PTPRD: variants seen among roughly 807,000 people sequenced by gnomAD.
PTPRD encodes receptor-type tyrosine-protein phosphatase delta.
Under a neutral mutation model 214.5 loss-of-function variants are expected in PTPRD, and 34 were observed. The ratio of observed to expected loss-of-function variants is 0.16; its 90% CI spans 0.12 to 0.21. The LOEUF is 0.21. Ranked by LOEUF, PTPRD falls within the 10% of genes least tolerant of loss-of-function variation. PTPRD has a pLI of 1.00. For missense variants in PTPRD, 2,545 were observed against 2,398.7 expected (o/e 1.06, Z -1.27); for synonymous variants, 1,128 against 845.7 (o/e 1.33, Z -5.79).
chr9:9,148,420 T>C (rs752465116), intron 10 of PTPRD, among the ~76,000 whole-genome samples: 1 of 152,160 alleles, frequency 6.6e-6, no homozygotes, highest in Admixed American at 6.5e-5. Flanking sequence ...GGAAATAAAA[T>C]TGACTTCAGC....
chr9:8,621,700 G>T (rs551544813), intron 14 of PTPRD, among the ~76,000 whole-genome samples: 1 of 151,652 alleles, frequency 6.6e-6, no homozygotes, highest in African/African-American at 2.4e-5. Context: ...TAAGATTAAT[G>T]GGACCCATAG....
intron 15 of PTPRD, 78 bp downstream of exon 15, chr9:8,528,507 TAAATTA>T: frequency 8.2e-7 from 1 of 1,213,804 alleles, no homozygotes; most frequent in South Asian, 1.4e-5. Context: ...AAATAAAAAA[TAAATTA>T]AAATTAAAAA....
chr9:8,439,750 G>A (rs976855047), intron 34 of PTPRD, among the ~76,000 whole-genome samples: 6 of 151,604 alleles, frequency 4.0e-5, no homozygotes, highest in African/African-American at 1.2e-4. Flanking sequence ...GAAAAAAAAT[G>A]TTATATGATA....
At chr9:8,675,094 T>G (rs2097373195) in intron 12 of PTPRD, among the ~76,000 whole-genome samples, 1 of 152,156 alleles carries the variant, frequency 6.6e-6, no homozygotes, top group Non-Finnish European at 1.5e-5. Context: ...GCAGATAGCA[T>G]TAAGTGGATG....
chr9:9,464,272 T>C (rs1316116933), intron 8 of PTPRD, among the ~76,000 whole-genome samples: 1 of 152,156 alleles, frequency 6.6e-6, no homozygotes, highest in African/African-American at 2.4e-5. Context: ...AGGTAATCTT[T>C]CAACCTTTTC....
At position 10,167,111 on chromosome 9, in the gene PTPRD, A is replaced by G. The variant is rs1396294837; in HGVS notation, c.-544-133321T>C. Among the ~76,000 whole-genome samples, 4 of 145,010 alleles carry G rather than the reference A, an allele frequency of 2.8e-5. No individual in the cohort carries two copies. The South Asian group carries it at 9.1e-4, about 33-fold the overall frequency. On this transcript the variant is annotated intron_variant, in intron 3 of 45. Transcript: ENST00000381196. ...TGAGTTTACAGGTGCTTAGACTTAT[A>G]AAAGTAGACCTTTTTTTTTTTTCAT...
intron 7 of PTPRD, among the ~76,000 whole-genome samples, chr9:9,623,580 C>T (rs146963203): frequency 4.3e-4 from 65 of 152,220 alleles, no homozygotes; most frequent in African/African-American, 1.5e-3. Context: ...TCATTTCTTA[C>T]TAAAGACCCA....
intron 12 of PTPRD, among the ~76,000 whole-genome samples, chr9:8,677,332 C>T (rs1466117831): frequency 6.6e-6 from 1 of 152,134 alleles, no homozygotes; most frequent in African/African-American, 2.4e-5. Flanking sequence ...GGAAATACTA[C>T]CCAGCTATGA....
intron 3 of PTPRD, among the ~76,000 whole-genome samples, chr9:10,140,476 C>T (rs182245527): frequency 1.4e-3 from 216 of 151,974 alleles, no homozygotes; most frequent in Admixed American, 1.6e-3. Context: ...AACACCTCTA[C>T]GCAAATAAAC....
At chr9:9,384,857 T>A (rs2063414229) in intron 9 of PTPRD, among the ~76,000 whole-genome samples, 1 of 152,088 alleles carries the variant, frequency 6.6e-6, no homozygotes, top group Non-Finnish European at 1.5e-5. Context: ...GAATGAGACA[T>A]TAGAAAAGAA....
intron 14 of PTPRD, among the ~76,000 whole-genome samples, chr9:8,554,930 C>T (rs2083278014): frequency 6.7e-6 from 1 of 149,150 alleles, no homozygotes; most frequent in African/African-American, 2.6e-5. Context: ...ACTTAAGTCT[C>T]TTTGTACTTA....
intron 10 of PTPRD, among the ~76,000 whole-genome samples, chr9:9,127,409 A>C (rs1017521933): frequency 1.3e-5 from 2 of 152,252 alleles, no homozygotes; most frequent in Non-Finnish European, 2.9e-5. Flanking sequence ...GGACAGTGTA[A>C]GTATGAAGAG....
chr9:9,396,455 T>C (rs1176449350), intron 9 of PTPRD, among the ~76,000 whole-genome samples: 3 of 152,078 alleles, frequency 2.0e-5, no homozygotes, highest in Non-Finnish European at 2.9e-5. Flanking sequence ...ACCAATGTAA[T>C]ATACAATAAG....
intron 10 of PTPRD, among the ~76,000 whole-genome samples, chr9:9,062,139 A>G (rs2099708681): frequency 6.6e-6 from 1 of 152,228 alleles, no homozygotes; most frequent in African/African-American, 2.4e-5. Context: ...TTAGCAGCAT[A>G]AAATTTTACT....
intron 4 of PTPRD, among the ~76,000 whole-genome samples, chr9:10,014,123 T>C (rs188914122): frequency 2.0e-3 from 309 of 152,114 alleles, no homozygotes; most frequent in Non-Finnish European, 3.5e-3. Flanking sequence ...TAGAGAGTTG[T>C]TTGCTTAAAG....
chr9:9,955,711 G>A (rs1411384801), intron 4 of PTPRD, among the ~76,000 whole-genome samples: 1 of 152,026 alleles, frequency 6.6e-6, no homozygotes, highest in African/African-American at 2.4e-5. Flanking sequence ...TTTTAGTAGA[G>A]ACAGGGTTTC....
At chr9:9,025,699 A>G (rs1488616781) in intron 10 of PTPRD, among the ~76,000 whole-genome samples, 2 of 152,028 alleles carry the variant, frequency 1.3e-5, no homozygotes, top group Admixed American at 6.6e-5. Context: ...TGGAAAAAGC[A>G]TGAGCTTTGA....
chr9:10,450,296 GATT>G (rs111382886), intron 2 of PTPRD, among the ~76,000 whole-genome samples: 1,860 of 151,430 alleles, frequency 0.012, 63 homozygotes, highest in African/African-American at 0.041. Context: ...AACAAAAAAA[GATT>G]ATTATGCACA....
chr9:10,140,939 T>C (rs539005081), intron 3 of PTPRD, among the ~76,000 whole-genome samples: 1 of 151,984 alleles, frequency 6.6e-6, no homozygotes, highest in African/African-American at 2.4e-5. Flanking sequence ...GCAAGGCTGG[T>C]TCATTATACG....
Sources: gnomAD v4.1 joint callset for allele counts (sites outside exome capture counted in the v4.1 genomes callset) on GRCh38, gnomAD v4.1.1 for gene constraint, MANE v1.5 for transcripts, NCBI Gene and HGNC (gene_info 2026-07-23, HGNC 2026-07-21) for gene names.